PPARGC1B: variants seen among roughly 807,000 people sequenced by gnomAD.
The protein encoded by PPARGC1B is peroxisome proliferator-activated receptor gamma coactivator 1-beta.
Under a neutral mutation model 101.6 loss-of-function variants are expected in PPARGC1B, and 34 were observed. That is an observed-to-expected ratio of 0.33 (90% CI 0.25 to 0.45). The LOEUF (loss-of-function observed/expected upper bound fraction) is 0.45. Ranked by LOEUF, PPARGC1B falls within the 20% of genes least tolerant of loss-of-function variation. The pLI is 1.00. For missense variants in PPARGC1B, 1,234 were observed against 1,317.6 expected, an observed-to-expected ratio of 0.94 and a Z score of 0.98; for synonymous variants, 548 against 539.3, an observed-to-expected ratio of 1.02 and a Z score of -0.22.
chr5:149,788,534 T>A (rs1193959508), intron 1 of PPARGC1B, among the ~76,000 whole-genome samples: 1 of 152,218 alleles, frequency 6.6e-6, no homozygotes, highest in African/African-American at 2.4e-5. Context: ...CTTAAGGATC[T>A]AGAACTAGAA....
chr5:149,835,484 C>A, intron 7 of PPARGC1B, 119 bp downstream of exon 7: 1 of 866,558 alleles, frequency 1.2e-6, no homozygotes, highest in Non-Finnish European at 1.9e-6. Context: ...TGCCTGCCTT[C>A]ACGGGGCTTA....
Position 149,836,991 on chromosome 5 carries a change from C to T in PPARGC1B, c.2536C>T (p.Arg846Trp), listed in dbSNP as rs751402065. 25 of 1,613,932 alleles carry T rather than the reference C, an allele frequency of 1.5e-5. No individual in the cohort carries two copies. Among genetic ancestry groups the T allele is most frequent in the Middle Eastern group, 1.6e-4 (1 of 6,062 alleles). The change falls in exon 8 of 12, where the codon CGG (arginine) becomes TGG (tryptophan). Residue 846 changes from arginine to tryptophan, a missense_variant. Around this residue, in one of 3 missense-constraint regions of PPARGC1B, gnomAD observed 497 missense variants for 529.5 expected, o/e 0.94. Transcript: ENST00000309241. The part of the protein sequence containing the change: ...PYQSPPSKAN[R>W]QLCSRSRSSS... ...CCAGAGCCCACCAAGCAAGGCCAAC[C>T]GGCAGCTCTGTTCCCGCAGCCGCTC...
At chr5:149,800,347 T>C (rs538106849) in intron 1 of PPARGC1B, among the ~76,000 whole-genome samples, 4 of 152,292 alleles carry the variant, frequency 2.6e-5, no homozygotes, top group African/African-American at 9.6e-5. Flanking sequence ...TTGGTGGTCA[T>C]TGCAGGTCGC....
chr5:149,772,976 G>T (rs139200339), intron 1 of PPARGC1B, among the ~76,000 whole-genome samples: 1 of 152,294 alleles, frequency 6.6e-6, no homozygotes, highest in South Asian at 2.1e-4. Flanking sequence ...AGGTAAAGGC[G>T]CTGGCTGTGG....
Position 149,826,835 on chromosome 5 carries a change from G to A in PPARGC1B, c.415G>A (p.Ala139Thr). Residue 139 changes from alanine to threonine, a missense_variant, in exon 3 of 12, where the codon GCC becomes ACC. This residue lies in a region of PPARGC1B where 734 missense variants were observed against 768.4 expected (regional missense o/e 0.96). Transcript: ENST00000309241. Reference protein sequence around the residue: ...PAPSSAPPSPAPEKPSAPAPE... With the variant: ...PAPSSAPPSPTPEKPSAPAPE... The stretch of plus-strand genomic sequence containing the variant: ...CCCCTCATCTGCACCCCCCAGCCCT[G>A]CCCCGGAGAAGCCCTCGGCCCCAGC... The A allele has an allele frequency of 6.2e-7, 1 of 1,613,822 alleles. No individual in the cohort carries two copies. Among genetic ancestry groups the A allele is most frequent in the South Asian group, 1.1e-5 (1 of 91,060 alleles).
intron 11 of PPARGC1B, 142 bp downstream of exon 11, chr5:149,846,056 T>C: frequency 1.0e-6 from 1 of 963,524 alleles, no homozygotes; most frequent in Non-Finnish European, 1.6e-6. Context: ...GGTATAACTT[T>C]GCAGCCACTT....
intron 1 of PPARGC1B, among the ~76,000 whole-genome samples, chr5:149,803,247 T>C (rs2113297446): frequency 6.6e-6 from 1 of 152,312 alleles, no homozygotes; most frequent in East Asian, 1.9e-4. Context: ...TTCTCTACTA[T>C]TGCTTCCACT....
intron 1 of PPARGC1B, among the ~76,000 whole-genome samples, chr5:149,734,884 G>A (rs993800038): frequency 3.9e-5 from 6 of 152,096 alleles, no homozygotes. Flanking sequence ...GGTGACTTGT[G>A]GTTCTGTGTT....
At chr5:149,844,958 A>T (rs893108841) in intron 10 of PPARGC1B, among the ~76,000 whole-genome samples, 1 of 152,088 alleles carries the variant, frequency 6.6e-6, no homozygotes, top group African/African-American at 2.4e-5. Flanking sequence ...CAGCTTAGAG[A>T]CCCCTGAGAA....
At chr5:149,751,684 C>T (rs565769671) in intron 1 of PPARGC1B, among the ~76,000 whole-genome samples, 79 of 148,742 alleles carry the variant, frequency 5.3e-4, no homozygotes, top group African/African-American at 1.9e-3. Flanking sequence ...CCAGCCTGGG[C>T]GACAGAGGAA....
At chr5:149,799,582 T>A (rs1352060752) in intron 1 of PPARGC1B, among the ~76,000 whole-genome samples, 5 of 151,870 alleles carry the variant, frequency 3.3e-5, no homozygotes, top group African/African-American at 1.2e-4. Context: ...CTCAGTGACC[T>A]AAATGCCCAG....
At chr5:149,782,459 G>A (rs531478318) in intron 1 of PPARGC1B, among the ~76,000 whole-genome samples, 3 of 152,306 alleles carry the variant, frequency 2.0e-5, no homozygotes, top group Non-Finnish European at 2.9e-5. Context: ...GCTGGAAGCA[G>A]TAGCTACACC....
At chr5:149,802,663 T>C (rs535310916) in intron 1 of PPARGC1B, among the ~76,000 whole-genome samples, 1 of 151,268 alleles carries the variant, frequency 6.6e-6, no homozygotes, top group Non-Finnish European at 1.5e-5. Context: ...CTGTGAGGCA[T>C]ACACAGCTTT....
chr5:149,833,823 G>A lies in PPARGC1B; in HGVS notation c.1705+45G>A. 1.4e-6 allele frequency: 2 copies of A among 1,446,802 alleles called. No homozygotes were observed. Among genetic ancestry groups the A allele is most frequent in the Non-Finnish European group, 1.8e-6 (2 of 1,103,994 alleles). 89.6% of individuals were successfully genotyped at this position (1,446,802 alleles called of 1,614,324 possible). On this transcript the variant is annotated intron_variant, in intron 5 of 11. Transcript: ENST00000309241. The surrounding 1 kb of genome is among the most constrained non-coding windows in gnomAD (Gnocchi z 4.1). ...TGCGAAGTGGGGGCAGGGATGGGGT[G>A]CAGCATGCCCCTCTGCACTGGGAGC... is the stretch of plus-strand genomic sequence containing the variant.
chr5:149,751,201 T>G (rs1755289716), intron 1 of PPARGC1B, among the ~76,000 whole-genome samples: 1 of 152,204 alleles, frequency 6.6e-6, no homozygotes, highest in African/African-American at 2.4e-5. Context: ...AGTAAGGTTA[T>G]CCCCACCCTG....
At position 149,835,373 on chromosome 5, in the gene PPARGC1B, A is replaced by G. The variant is rs45438991; in HGVS notation, c.1807+8A>G. 2.7e-3 allele frequency: 4,287 copies of G among 1,613,652 alleles called. 98 individuals carry two copies. The African/African-American group carries it at 0.051, about 19-fold the overall frequency. On this transcript the variant is annotated splice_region_variant and intron_variant, in intron 7 of 11. Transcript: ENST00000309241. Reference sequence around the variant, plus strand: ...AGCTCTGTGGCACAGCAGGTGAGCCAGGGGGCTTCCACTGGCAGGTGCCTT... The same window carrying G: ...AGCTCTGTGGCACAGCAGGTGAGCCGGGGGGCTTCCACTGGCAGGTGCCTT...
At chr5:149,757,527 C>T (rs1755575762) in intron 1 of PPARGC1B, among the ~76,000 whole-genome samples, 1 of 152,166 alleles carries the variant, frequency 6.6e-6, no homozygotes, top group Non-Finnish European at 1.5e-5. Flanking sequence ...GTGGCAGAAC[C>T]GAGGCCTTCC....
At chr5:149,763,133 C>T (rs961511476) in intron 1 of PPARGC1B, among the ~76,000 whole-genome samples, 1 of 152,156 alleles carries the variant, frequency 6.6e-6, no homozygotes, top group Middle Eastern at 3.2e-3. Context: ...GGTGACCTGC[C>T]ATCCCCTGCA....
In PPARGC1B at chr5:149,852,346, G is replaced by C. The variant is rs2113467666; in HGVS notation, c.*4788G>C. On this transcript the variant is annotated 3_prime_UTR_variant, in exon 12 of 12. Coordinates refer to ENST00000309241, the MANE Select transcript of PPARGC1B (RefSeq NM_133263.4). ...GCATTAAAGTCCCTTTCACCTCTGA[G>C]AGGCTCAGATCCCCAACCAGGAGCA... 6.6e-6 allele frequency: 1 copy of C among 152,278 alleles called. No homozygotes were observed. The highest frequency in any genetic ancestry group is 2.1e-4 in the South Asian group (1 of 4,824). The allele number at this position is 152,278 out of a possible 1,614,324, so 9.4% of individuals were successfully genotyped here. A position where few individuals can be genotyped will look rare whatever the true frequency, so the allele number is the denominator to read the frequency against.
Sources: allele counts gnomAD v4.1 joint callset (sites outside exome capture counted in the v4.1 genomes callset), GRCh38; gene constraint gnomAD v4.1.1; regional missense constraint gnomAD v4.1.1; non-coding constraint Gnocchi (gnomAD v3.1); transcripts MANE v1.5; gene names NCBI Gene and HGNC (gene_info 2026-07-23, HGNC 2026-07-21).